TENT4A: variants seen among roughly 807,000 people sequenced by gnomAD.
TENT4A encodes the protein terminal nucleotidyltransferase 4A, also known as DNA polymerase kappa.
In TENT4A, 7 loss-of-function variants were observed where a neutral mutation model predicts 72.8. The observed-to-expected ratio is 0.10, with a 90% CI of 0.05 to 0.18. TENT4A has a LOEUF of 0.18. Among genes scored for constraint, TENT4A ranks in the 10% least tolerant of loss-of-function variants. The pLI is 1.00. For missense variants in TENT4A, 831 were observed against 1,017.7 expected, an observed-to-expected ratio of 0.82 and a Z score of 2.50; for synonymous variants, 456 against 434.3, an observed-to-expected ratio of 1.05 and a Z score of -0.62.
chr5:6,755,139 A>C lies in TENT4A; in HGVS notation c.*194A>C. The C allele has an allele frequency of 2.2e-6, 1 of 455,154 alleles. No individual in the cohort carries two copies. The allele number at this position is 455,154 out of a possible 1,614,324, so 28.2% of individuals were successfully genotyped here. On this transcript the variant is annotated 3_prime_UTR_variant, in exon 13 of 13. Coordinates refer to ENST00000230859, the MANE Select transcript of TENT4A (RefSeq NM_006999.6). ...GAACAGCTCGTTGTGCTCATCTGTGAAGCCTTATTAAACGTGGACGTTGTT... is the reference window on the plus strand; with the variant it reads ...GAACAGCTCGTTGTGCTCATCTGTGCAGCCTTATTAAACGTGGACGTTGTT...
chr5:6,738,234 C>T (rs1291708355), intron 2 of TENT4A, among the ~76,000 whole-genome samples: 3 of 151,790 alleles, frequency 2.0e-5, no homozygotes, highest in Non-Finnish European at 2.9e-5. Context: ...CAGGGCTGGC[C>T]GTGCCCCAGC....
At chr5:6,719,196 C>T (rs1410660657) in intron 1 of TENT4A, among the ~76,000 whole-genome samples, 1 of 152,084 alleles carries the variant, frequency 6.6e-6, no homozygotes, top group East Asian at 1.9e-4. Flanking sequence ...CTCAAACGTT[C>T]TTTGGTCACT....
chr5:6,739,713 G>A lies in TENT4A; in HGVS notation c.888-19G>A, dbSNP rs753946332. On this transcript the variant is annotated intron_variant, in intron 3 of 12. Transcript: ENST00000230859. The stretch of plus-strand genomic sequence containing the variant: ...TGTGGCGAGGGGAGCAGTGGCTGAC[G>A]TGCGTTTTCTTCTGTCAGCGACATA... 3 of 1,613,246 alleles carry A rather than the reference G, an allele frequency of 1.9e-6. No individual in the cohort carries two copies. Among genetic ancestry groups the A allele is most frequent in the South Asian group, 1.1e-5 (1 of 91,052 alleles).
intron 1 of TENT4A, among the ~76,000 whole-genome samples, chr5:6,733,948 GT>G (rs1350349550): frequency 6.6e-6 from 1 of 152,214 alleles, no homozygotes; most frequent in Admixed American, 6.5e-5. Flanking sequence ...GATTTAAATG[GT>G]TTCTGCTAAC....
intron 1 of TENT4A, among the ~76,000 whole-genome samples, chr5:6,725,848 G>A (rs760476874): frequency 6.6e-6 from 1 of 152,122 alleles, no homozygotes; most frequent in Non-Finnish European, 1.5e-5. Context: ...ACATAAATTT[G>A]CCAAATTATT....
intron 2 of TENT4A, among the ~76,000 whole-genome samples, chr5:6,738,411 C>A (rs372290560): frequency 6.6e-6 from 1 of 152,204 alleles, no homozygotes; most frequent in Non-Finnish European, 1.5e-5. Context: ...GAAGCTAGCT[C>A]TGAAAAGTCC....
intron 1 of TENT4A, among the ~76,000 whole-genome samples, chr5:6,736,064 TA>T (rs1176133391): frequency 6.6e-6 from 1 of 152,200 alleles, no homozygotes; most frequent in Non-Finnish European, 1.5e-5. Flanking sequence ...TCTGGCCACA[TA>T]TTTTTTTAAA....
At chr5:6,715,192 G>A (rs1740305252) in intron 1 of TENT4A, 1 of 152,112 alleles carries the variant, frequency 6.6e-6, no homozygotes, top group Admixed American at 6.5e-5. Flanking sequence ...TCATTTTTTG[G>A]GGGGTGTTGT....
intron 1 of TENT4A, among the ~76,000 whole-genome samples, chr5:6,720,371 T>C: frequency 6.6e-6 from 1 of 151,356 alleles, no homozygotes; most frequent in East Asian, 1.9e-4. Context: ...CAGGTTGTGG[T>C]TCTTCTTGTC....
At chr5:6,749,707 C>T in intron 9 of TENT4A, 50 bp downstream of exon 9, 1 of 1,188,124 alleles carries the variant, frequency 8.4e-7, no homozygotes, top group Non-Finnish European at 1.3e-6. Flanking sequence ...CTGGCATGTT[C>T]ATGCAGAAGT....
chr5:6,723,525 A>G (rs114229043), intron 1 of TENT4A, among the ~76,000 whole-genome samples: 2,855 of 152,288 alleles, frequency 0.019, 36 homozygotes, highest in South Asian at 0.048. Context: ...TGACAGTCTG[A>G]CGTGACCTGG....
chr5:6,716,791 A>G (rs1740409912), intron 1 of TENT4A, among the ~76,000 whole-genome samples: 1 of 152,224 alleles, frequency 6.6e-6, no homozygotes, highest in African/African-American at 2.4e-5. Flanking sequence ...AGGGCTCTGA[A>G]GCCCACCAGG....
intron 4 of TENT4A, among the ~76,000 whole-genome samples, chr5:6,740,813 C>T (rs367660569): frequency 5.8e-4 from 88 of 152,328 alleles, no homozygotes; most frequent in African/African-American, 1.1e-3. Flanking sequence ...CTCATTAGCA[C>T]GAGACAAGCC....
intron 1 of TENT4A, among the ~76,000 whole-genome samples, chr5:6,726,171 C>G (rs1740909653): frequency 6.6e-6 from 1 of 152,182 alleles, no homozygotes; most frequent in Non-Finnish European, 1.5e-5. Flanking sequence ...GTGCTAAGCA[C>G]TTGCCAGTGT....
intron 4 of TENT4A, among the ~76,000 whole-genome samples, chr5:6,741,160 C>CGCATATTG (rs1206393926): frequency 1.3e-5 from 2 of 152,144 alleles, no homozygotes; most frequent in Non-Finnish European, 2.9e-5. Context: ...TCGTTACTGT[C>CGCATATTG]GCATATTGGC....
chr5:6,751,324 G>A, intron 11 of TENT4A, 127 bp downstream of exon 11: 1 of 947,568 alleles, frequency 1.1e-6, no homozygotes, highest in Non-Finnish European at 1.6e-6. Flanking sequence ...TTTGGCCATT[G>A]GTGTGTTGTT....
chr5:6,714,402 G>T lies in TENT4A; in HGVS notation c.419G>T (p.Arg140Leu). Reference sequence around the variant, plus strand: ...TCCTCCAGCAGCGCCTCGCTGGGCCGGCCGGGCGGCGGCCGCGGCGGCGCC... The same window carrying T: ...TCCTCCAGCAGCGCCTCGCTGGGCCTGCCGGGCGGCGGCCGCGGCGGCGCC... ...SSSSSSASLGRPGGGRGGAFF... is the reference protein window; with the variant it reads ...SSSSSSASLGLPGGGRGGAFF... The change falls in exon 1 of 13, where the codon CGG becomes CTG. Residue 140 changes from arginine (R) to leucine (L), a missense_variant. Coordinates refer to ENST00000230859, the MANE Select transcript of TENT4A (RefSeq NM_006999.6). 8.8e-7 allele frequency: 1 copy of T among 1,135,794 alleles called. No individual in the cohort carries two copies. Among genetic ancestry groups the T allele is most frequent in the Admixed American group, 4.9e-5 (1 of 20,410 alleles). 70.4% of individuals were successfully genotyped at this position (1,135,794 alleles called of 1,614,324 possible). A position where few individuals can be genotyped will look rare whatever the true frequency, so the allele number is the denominator to read the frequency against.
rs778024726 is a variant in TENT4A, at chr5:6,754,975, C to T, written c.*30C>T. The T allele has an allele frequency of 1.3e-6, 2 of 1,538,198 alleles. No homozygotes were observed. The highest frequency in any genetic ancestry group is 1.8e-5 in the Admixed American group (1 of 55,210). On this transcript the variant is annotated 3_prime_UTR_variant, in exon 13 of 13. Coordinates refer to ENST00000230859, the MANE Select transcript of TENT4A (RefSeq NM_006999.6). Reference sequence around the variant, plus strand: ...TCCTGGCTGCGTCAGCCTCCCCCACCCCTCTGCAGACTGCCCCGCGGCCTC... The same window carrying T: ...TCCTGGCTGCGTCAGCCTCCCCCACTCCTCTGCAGACTGCCCCGCGGCCTC...
At chr5:6,715,584 T>TC in intron 1 of TENT4A, among the ~76,000 whole-genome samples, 1 of 152,242 alleles carries the variant, frequency 6.6e-6, no homozygotes, top group South Asian at 2.1e-4. Context: ...GCACAATTTT[T>TC]CCCCCCAATT....
Sources: gnomAD v4.1 joint callset for allele counts (sites outside exome capture counted in the v4.1 genomes callset) on GRCh38, gnomAD v4.1.1 for gene constraint, MANE v1.5 for transcripts, NCBI Gene and HGNC (gene_info 2026-07-23, HGNC 2026-07-21) for gene names.